The following ELF1 variants were observed in gnomAD, a reference collection of about 807,000 sequenced individuals.
The protein encoded by ELF1 is E74 like ETS transcription factor 1.
In ELF1, 24 loss-of-function variants were observed where a neutral mutation model predicts 59.9. That is an observed-to-expected ratio of 0.40 (90% CI 0.29 to 0.56). The LOEUF is 0.56. Among genes scored for constraint, ELF1 ranks in the 20% least tolerant of loss-of-function variants. ELF1 has a pLI of 0.44. For missense variants in ELF1, 627 were observed against 742.2 expected (o/e 0.84, Z 1.80); for synonymous variants, 248 against 266.2 (o/e 0.93, Z 0.67).
At chr13:41,022,610 T>C (rs916892231), upstream of ELF1, among the ~76,000 whole-genome samples, 5 of 152,190 alleles carry the variant, frequency 3.3e-5, no homozygotes. Context: ...GCCAGGCACG[T>C]TGGCTCACGC....
chr13:41,011,804 C>T (rs962315042), intron 1 of ELF1, among the ~76,000 whole-genome samples: 2 of 151,530 alleles, frequency 1.3e-5, no homozygotes, highest in Non-Finnish European at 2.9e-5. Flanking sequence ...ACTATGTTGC[C>T]CAGGTCTCAA....
At chr13:40,953,693 A>G (rs1871012321) in intron 3 of ELF1, among the ~76,000 whole-genome samples, 2 of 152,202 alleles carry the variant, frequency 1.3e-5, no homozygotes, top group Non-Finnish European at 2.9e-5. Flanking sequence ...TGTAAGAACA[A>G]AAATGTCCTA....
At chr13:41,024,677 AC>A (rs1351071254) in intron 1 of ELF1, among the ~76,000 whole-genome samples, 1 of 152,026 alleles carries the variant, frequency 6.6e-6, no homozygotes, top group Non-Finnish European at 1.5e-5. Flanking sequence ...ACACATGGCC[AC>A]CATTGCTGTG....
chr13:41,038,297 A>T (rs1876467337), intron 1 of ELF1, among the ~76,000 whole-genome samples: 1 of 152,138 alleles, frequency 6.6e-6, no homozygotes, highest in South Asian at 2.1e-4. Context: ...GTGGACAGAC[A>T]ACATGAGCCC....
chr13:40,956,571 C>CAAAAAAAATA, intron 3 of ELF1, among the ~76,000 whole-genome samples: 1 of 76,146 alleles, frequency 1.3e-5, no homozygotes, highest in Non-Finnish European at 2.7e-5. Context: ...CAAGAATGAT[C>CAAAAAAAATA]AAAAAAAAAA....
chr13:41,047,213 A>G (rs181838849), intron 1 of ELF1, among the ~76,000 whole-genome samples: 15 of 152,270 alleles, frequency 9.9e-5, no homozygotes, highest in South Asian at 4.1e-4. Flanking sequence ...CTTCTTTGCC[A>G]TGGGTTCAAA....
chr13:40,962,073 G>A (rs145704907), intron 2 of ELF1, among the ~76,000 whole-genome samples: 1,722 of 152,212 alleles, frequency 0.011, 40 homozygotes, highest in African/African-American at 0.039. Context: ...TCCTTGTCCT[G>A]TTCTACTAAC....
chr13:41,034,004 A>G (rs534498792), intron 1 of ELF1, among the ~76,000 whole-genome samples: 1 of 152,306 alleles, frequency 6.6e-6, no homozygotes, highest in Admixed American at 6.5e-5. Flanking sequence ...AGACATGTCA[A>G]AATTCACAGA....
At position 41,015,251 on chromosome 13, in the gene ELF1, T is replaced by C. The variant is rs573347849; in HGVS notation, c.-229+3977A>G. On this transcript the variant is annotated intron_variant, in intron 1 of 8. Transcript: ENST00000239882. ...ATTAAAAAACAAAGATTATTTATTA[T>C]GGCCAATATGGCAGTAGGTTTCGGG... 3.3e-5 allele frequency among the ~76,000 whole-genome samples: 5 copies of C among 152,014 alleles called. No homozygotes were observed. The East Asian group carries it at 7.7e-4, about 23-fold the overall frequency.
chr13:41,028,741 T>C (rs1876048199), intron 1 of ELF1, among the ~76,000 whole-genome samples: 1 of 152,214 alleles, frequency 6.6e-6, no homozygotes, highest in African/African-American at 2.4e-5. Flanking sequence ...TAATTTATTT[T>C]TTATCTTTTT....
intron 1 of ELF1, among the ~76,000 whole-genome samples, chr13:41,000,861 A>AAG (rs71695372): frequency 0.18 from 27,994 of 152,140 alleles, 2,745 homozygotes; most frequent in East Asian, 0.26. Flanking sequence ...GAGATTAGGA[A>AAG]AGATGATAAA....
At chr13:40,934,947 C>T (rs1869667143) in intron 8 of ELF1, among the ~76,000 whole-genome samples, 1 of 152,180 alleles carries the variant, frequency 6.6e-6, no homozygotes, top group Admixed American at 6.5e-5. Context: ...TATAATTAAC[C>T]TGTCAGGGCT....
intron 8 of ELF1, among the ~76,000 whole-genome samples, chr13:40,937,678 G>A (rs1316738727): frequency 6.6e-6 from 1 of 152,122 alleles, no homozygotes; most frequent in Non-Finnish European, 1.5e-5. Context: ...ACCATGTTGG[G>A]AAGGCTGGTC....
At chr13:41,002,013 T>G (rs1298797020) in intron 1 of ELF1, among the ~76,000 whole-genome samples, 2 of 152,122 alleles carry the variant, frequency 1.3e-5, no homozygotes, top group African/African-American at 4.8e-5. Flanking sequence ...ATGTGACGTC[T>G]CCTACAGTAA....
At chr13:41,026,144 A>AAC (rs1360476123) in intron 1 of ELF1, among the ~76,000 whole-genome samples, 1 of 152,186 alleles carries the variant, frequency 6.6e-6, no homozygotes, top group African/African-American at 2.4e-5. Context: ...GCTTAATGAT[A>AAC]ACACATAGCA....
At chr13:40,940,386 G>GAAAAAAAAAAAAAAA (rs375400990) in intron 8 of ELF1, among the ~76,000 whole-genome samples, 2 of 109,896 alleles carry the variant, frequency 1.8e-5, no homozygotes, top group Non-Finnish European at 1.7e-5. Context: ...TGATTTAACT[G>GAAAAAAAAAAAAAAA]AAAAAAAAAA....
chr13:40,941,021 C>G lies in ELF1; in HGVS notation c.1156G>C (p.Val386Leu), dbSNP rs997506425. ...GCCTGTACTGGCTGTACTACATGAA[C>G]AGTCCGGAAGAGCTGGGTAGGATAT... ...SPYPTQLFRT[V>L]HVVQPVQAVP... is the part of the protein sequence containing the mutation. Residue 386 changes from valine to leucine, a missense_variant, in exon 8 of 9, where the codon GTT (valine) becomes CTT (leucine). Physicochemically the swap from Val to Leu is conservative, Grantham distance 32. This residue lies in a region of ELF1 where 361 missense variants were observed against 396.1 expected (regional missense o/e 0.91). Transcript: ENST00000239882. The G allele has an allele frequency of 6.2e-7, 1 of 1,614,102 alleles. No homozygotes were observed. The highest frequency in any genetic ancestry group is 1.7e-5 in the Admixed American group (1 of 60,014).
upstream of ELF1, among the ~76,000 whole-genome samples, chr13:41,023,120 G>C (rs1334153509): frequency 6.6e-6 from 1 of 152,200 alleles, no homozygotes; most frequent in African/African-American, 2.4e-5. Flanking sequence ...TATTAGCTGA[G>C]AGAGATTGAG....
chr13:40,990,522 A>T (rs970466600), intron 1 of ELF1, among the ~76,000 whole-genome samples: 1 of 152,072 alleles, frequency 6.6e-6, no homozygotes, highest in Non-Finnish European at 1.5e-5. Flanking sequence ...GCTCAGTGTA[A>T]ATGTCCAGAA....
Sources: allele counts gnomAD v4.1 joint callset (sites outside exome capture counted in the v4.1 genomes callset), GRCh38; gene constraint gnomAD v4.1.1; regional missense constraint gnomAD v4.1.1; transcripts MANE v1.5; gene names NCBI Gene and HGNC (gene_info 2026-07-23, HGNC 2026-07-21).